The following COL24A1 variants were observed in gnomAD, a reference collection of about 807,000 sequenced individuals.
COL24A1 encodes collagen type XXIV alpha 1 chain.
In COL24A1, 224 loss-of-function variants were observed where a neutral mutation model predicts 253.9. That is an observed-to-expected ratio of 0.88 (90% CI 0.79 to 0.99). The LOEUF is 0.99. Among genes scored for constraint, COL24A1 ranks in the 50% least tolerant of loss-of-function variants. The probability of loss-of-function intolerance (pLI) is 0.00; values close to 1 mark genes in which losing one functional copy is unlikely to be tolerated. For synonymous variants in COL24A1, 685 were observed against 673.7 expected (o/e 1.02, Z -0.26); for missense variants, 2,131 against 2,068.5 (o/e 1.03, Z -0.59).
chr1:86,003,697 C>A (rs1028800695), intron 19 of COL24A1, among the ~76,000 whole-genome samples: 1 of 151,824 alleles, frequency 6.6e-6, no homozygotes, highest in African/African-American at 2.4e-5. Flanking sequence ...TTTTGTGTGG[C>A]AAGAGAAGTG....
Position 85,939,168 on chromosome 1 carries a change from G to A in COL24A1, c.2562+22081C>T, listed in dbSNP as rs192547226. Among the ~76,000 whole-genome samples, 139 of 152,142 alleles carry A rather than the reference G, an allele frequency of 9.1e-4. 1 individual carries two copies. Among genetic ancestry groups the A allele is most frequent in the Non-Finnish European group, 2.2e-4 (15 of 68,004 alleles). ...TCAGAGTAGACTAGATACATAAAAC[G>A]TATCTACCGTAAATGATCCTCATTC... On this transcript the variant is annotated intron_variant, in intron 24 of 59. Coordinates refer to ENST00000370571, the MANE Select transcript of COL24A1 (RefSeq NM_152890.7).
At chr1:85,849,726 C>G (rs1677544035) in intron 37 of COL24A1, among the ~76,000 whole-genome samples, 1 of 152,088 alleles carries the variant, frequency 6.6e-6, no homozygotes, top group East Asian at 1.9e-4. Context: ...TTAACCCATG[C>G]CTTCTACGTC....
At chr1:85,787,396 G>A (rs1168168530) in intron 47 of COL24A1, among the ~76,000 whole-genome samples, 1 of 152,050 alleles carries the variant, frequency 6.6e-6, no homozygotes, top group African/African-American at 2.4e-5. Context: ...GCCCCAGTGG[G>A]TGTTGTTCCC....
chr1:85,983,080 C>T (rs1386202946), intron 20 of COL24A1, among the ~76,000 whole-genome samples: 1 of 151,896 alleles, frequency 6.6e-6, no homozygotes, highest in Non-Finnish European at 1.5e-5. Flanking sequence ...ACAACATAAT[C>T]CCACAAATAG....
At chr1:86,050,517 A>G (rs1242765407) in intron 10 of COL24A1, among the ~76,000 whole-genome samples, 1 of 152,158 alleles carries the variant, frequency 6.6e-6, no homozygotes, top group African/African-American at 2.4e-5. Context: ...GAATATAAGT[A>G]TAAGAAGTAC....
At position 85,868,553 on chromosome 1, in the gene COL24A1, C is replaced by A. The variant is rs749043590; in HGVS notation, c.3266G>T (p.Gly1089Val). The change falls in exon 37 of 60, where the codon GGA (glycine) becomes GTA (valine). Residue 1089 changes from glycine to valine, a missense_variant. Physicochemically the swap from Gly to Val is moderately radical, Grantham distance 109. Coordinates refer to ENST00000370571, the MANE Select transcript of COL24A1 (RefSeq NM_152890.7). ...TGTTTGGCCTGATCTACCCAAGGGTCCTATAATTCCTGGTAAGCCCATCTC... is the reference window on the plus strand; with the variant it reads ...TGTTTGGCCTGATCTACCCAAGGGTACTATAATTCCTGGTAAGCCCATCTC... ...KGEMGLPGIIGPLGRSGQTGL... is the reference protein window; with the variant it reads ...KGEMGLPGIIVPLGRSGQTGL... 1.2e-6 allele frequency: 2 copies of A among 1,613,908 alleles called. No homozygotes were observed. Among genetic ancestry groups the A allele is most frequent in the South Asian group, 2.2e-5 (2 of 91,076 alleles).
chr1:86,070,053 T>C (rs1184493567), intron 7 of COL24A1, among the ~76,000 whole-genome samples: 5 of 152,204 alleles, frequency 3.3e-5, no homozygotes, highest in Admixed American at 6.5e-5. Flanking sequence ...AATAGCTGTT[T>C]TGAGGAAACC....
chr1:85,854,827 C>A (rs1288428880), intron 37 of COL24A1, among the ~76,000 whole-genome samples: 2 of 152,058 alleles, frequency 1.3e-5, no homozygotes, highest in Non-Finnish European at 2.9e-5. Flanking sequence ...CCTCAGCCTC[C>A]TGAGTAGCTG....
At chr1:85,841,983 G>C (rs1403912898) in intron 41 of COL24A1, 85 bp downstream of exon 41, 2 of 1,211,108 alleles carry the variant, frequency 1.7e-6, no homozygotes, top group Non-Finnish European at 2.4e-6. Flanking sequence ...TTTATTCCTT[G>C]AAAATTTTTC....
chr1:86,044,505 T>G (rs1016782681), intron 12 of COL24A1, among the ~76,000 whole-genome samples: 3 of 152,128 alleles, frequency 2.0e-5, no homozygotes, highest in Admixed American at 6.5e-5. Flanking sequence ...ATATTATGTG[T>G]TTTTCAAATA....
chr1:85,795,676 T>C (rs1374662102), intron 47 of COL24A1, among the ~76,000 whole-genome samples: 1 of 152,106 alleles, frequency 6.6e-6, no homozygotes, highest in Non-Finnish European at 1.5e-5. Context: ...CCAGGCACCT[T>C]ATGTGTACAG....
chr1:85,983,299 C>T lies in COL24A1; in HGVS notation c.2364+4302G>A, dbSNP rs941476237. 5.9e-5 allele frequency among the ~76,000 whole-genome samples: 9 copies of T among 151,934 alleles called. 1 individual carries two copies. The highest frequency in any genetic ancestry group is 5.8e-4 in the East Asian group (3 of 5,194). The stretch of plus-strand genomic sequence containing the variant: ...AAAAGATCTGGTTTTGCTAATGTTA[C>T]GGGATTCTTGAAAGCGGATTCCCAA... On this transcript the variant is annotated intron_variant, in intron 20 of 59. Coordinates refer to ENST00000370571, the MANE Select transcript of COL24A1 (RefSeq NM_152890.7).
At chr1:86,097,450 C>T (rs1703995098) in intron 5 of COL24A1, among the ~76,000 whole-genome samples, 3 of 102,284 alleles carry the variant, frequency 2.9e-5, no homozygotes, top group African/African-American at 7.5e-5. Flanking sequence ...TCCTCCTCCC[C>T]CCTCCTCTTC....
At chr1:85,805,170 G>A (rs1671833537) in intron 47 of COL24A1, among the ~76,000 whole-genome samples, 1 of 152,170 alleles carries the variant, frequency 6.6e-6, no homozygotes, top group Admixed American at 6.6e-5. Context: ...AGAAATTTTA[G>A]ATGTATTCCC....
intron 19 of COL24A1, among the ~76,000 whole-genome samples, chr1:86,015,694 GC>G (rs993268041): frequency 3.9e-5 from 6 of 152,178 alleles, no homozygotes; most frequent in Admixed American, 1.3e-4. Flanking sequence ...TTCCAGGAAA[GC>G]TTTCATTAAA....
At chr1:85,787,345 C>T (rs986449812) in intron 47 of COL24A1, among the ~76,000 whole-genome samples, 3 of 152,076 alleles carry the variant, frequency 2.0e-5, no homozygotes, top group Non-Finnish European at 4.4e-5. Flanking sequence ...GCTATTTTTC[C>T]TAATGCTCTC....
intron 20 of COL24A1, among the ~76,000 whole-genome samples, chr1:85,975,211 C>T (rs1273593823): frequency 6.6e-6 from 1 of 151,664 alleles, no homozygotes; most frequent in Admixed American, 6.6e-5. Context: ...GGAGTTTCCT[C>T]AAAAAAATAA....
chr1:86,036,826 T>C (rs908641252), intron 12 of COL24A1, among the ~76,000 whole-genome samples: 3 of 152,228 alleles, frequency 2.0e-5, no homozygotes, highest in Non-Finnish European at 4.4e-5. Context: ...TGAAATATTT[T>C]GTTATATTTT....
rs779856233 is a variant in COL24A1 at position 85,764,377 on chromosome 1, G to A, written c.4375-2811C>T. On this transcript the variant is annotated intron_variant, in intron 53 of 59. Coordinates refer to ENST00000370571, the MANE Select transcript of COL24A1 (RefSeq NM_152890.7). ...GAGTGAGCACCACAAGTCATAGGGCGTGACTGCAAATAAGAACATAAACTC... is the reference window on the plus strand; with the variant it reads ...GAGTGAGCACCACAAGTCATAGGGCATGACTGCAAATAAGAACATAAACTC... 3.3e-5 allele frequency among the ~76,000 whole-genome samples: 5 copies of A among 151,838 alleles called. No homozygotes were observed. In the South Asian group the frequency reaches 6.2e-4, roughly 19 times the overall value.
Sources: gnomAD v4.1 joint callset for allele counts (sites outside exome capture counted in the v4.1 genomes callset) on GRCh38, gnomAD v4.1.1 for gene constraint, MANE v1.5 for transcripts, NCBI Gene and HGNC (gene_info 2026-07-23, HGNC 2026-07-21) for gene names.